The following ARID4B variants were observed in gnomAD, a reference collection of about 807,000 sequenced individuals.
The protein encoded by ARID4B is AT-rich interactive domain-containing protein 4B.
ARID4B carries 26 observed loss-of-function variants against 147.5 expected under a neutral mutation model. That is an observed-to-expected ratio of 0.18 (90% CI 0.13 to 0.24). The LOEUF is 0.24. Among genes scored for constraint, ARID4B ranks in the 10% least tolerant of loss-of-function variants. The probability of loss-of-function intolerance (pLI) is 1.00; values close to 1 mark genes in which losing one functional copy is unlikely to be tolerated. For synonymous variants in ARID4B, 512 were observed against 507.9 expected (o/e 1.01, Z -0.11); for missense variants, 1,179 against 1,511.5 (o/e 0.78, Z 3.65).
chr1:235,202,146 A>G (rs377220888), intron 17 of ARID4B, among the ~76,000 whole-genome samples: 2 of 151,972 alleles, frequency 1.3e-5, no homozygotes, highest in East Asian at 3.9e-4. Context: ...ATAACAGGAA[A>G]TAAATTAATT....
chr1:235,270,393 T>A (rs1363388051), intron 2 of ARID4B, among the ~76,000 whole-genome samples: 1 of 152,248 alleles, frequency 6.6e-6, no homozygotes, highest in Non-Finnish European at 1.5e-5. Flanking sequence ...TTTTTAAAGT[T>A]TATTTTTGGT....
chr1:235,292,714 G>A (rs1274347942), intron 2 of ARID4B, among the ~76,000 whole-genome samples: 1 of 151,972 alleles, frequency 6.6e-6, no homozygotes, highest in Non-Finnish European at 1.5e-5. Context: ...ATTAAAGGTT[G>A]GGTAAGGTAA....
At chr1:235,316,677 G>A (rs755620115) in intron 2 of ARID4B, among the ~76,000 whole-genome samples, 1 of 152,118 alleles carries the variant, frequency 6.6e-6, no homozygotes, top group Non-Finnish European at 1.5e-5. Flanking sequence ...AAATTAGCCA[G>A]GTGTGGTGGC....
intron 17 of ARID4B, among the ~76,000 whole-genome samples, chr1:235,200,513 TAC>T (rs1434375953): frequency 6.6e-6 from 1 of 152,132 alleles, no homozygotes; most frequent in Non-Finnish European, 1.5e-5. Context: ...CCATATTTCC[TAC>T]AGACATTAAA....
intron 8 of ARID4B, among the ~76,000 whole-genome samples, chr1:235,237,677 C>T (rs745590361): frequency 6.6e-5 from 10 of 152,056 alleles, no homozygotes; most frequent in Non-Finnish European, 1.2e-4. Flanking sequence ...ACAAAAACCA[C>T]AAATATACAA....
At chr1:235,235,477 T>A (rs928983329) in intron 8 of ARID4B, among the ~76,000 whole-genome samples, 4 of 152,198 alleles carry the variant, frequency 2.6e-5, no homozygotes, top group Non-Finnish European at 5.9e-5. Context: ...TGTGATAGCT[T>A]TGGCCAGTGA....
intron 11 of ARID4B, among the ~76,000 whole-genome samples, chr1:235,227,736 T>C (rs1172727131): frequency 6.6e-6 from 1 of 152,136 alleles, no homozygotes; most frequent in Non-Finnish European, 1.5e-5. Context: ...TATGGCTTAT[T>C]TATGATCTAA....
At chr1:235,318,555 C>T (rs1200035296) in intron 2 of ARID4B, among the ~76,000 whole-genome samples, 1 of 152,100 alleles carries the variant, frequency 6.6e-6, no homozygotes, top group Non-Finnish European at 1.5e-5. Context: ...ATTCCGTTAA[C>T]AGAAAATGCC....
At chr1:235,219,074 G>A (rs755787778) in intron 16 of ARID4B, among the ~76,000 whole-genome samples, 12 of 152,088 alleles carry the variant, frequency 7.9e-5, no homozygotes, top group South Asian at 6.2e-4. Context: ...ATGTTGGCCA[G>A]GCTGGTCTTG....
intron 5 of ARID4B, among the ~76,000 whole-genome samples, chr1:235,254,456 C>A (rs974300747): frequency 6.6e-6 from 1 of 151,392 alleles, no homozygotes; most frequent in African/African-American, 2.4e-5. Flanking sequence ...AAATAAAAAT[C>A]TGTTTGTAAA....
chr1:235,246,608 A>T, intron 6 of ARID4B, 97 bp from the exon 7 acceptor site: 4 of 814,020 alleles, frequency 4.9e-6, no homozygotes, highest in Non-Finnish European at 6.1e-6. Context: ...TCAGATTTTG[A>T]GATTAAACTC....
At chr1:235,181,399 C>A in intron 20 of ARID4B, 186 bp downstream of exon 20, 1 of 829,598 alleles carries the variant, frequency 1.2e-6, no homozygotes, top group Non-Finnish European at 1.8e-6. Context: ...ACATTAAAGC[C>A]TTCTCAAGCT....
intron 18 of ARID4B, among the ~76,000 whole-genome samples, chr1:235,194,767 C>G (rs1413212547): frequency 1.3e-5 from 2 of 151,880 alleles, no homozygotes; most frequent in African/African-American, 4.8e-5. Context: ...TGCGGTGAGC[C>G]AAGATCGCGC....
intron 8 of ARID4B, among the ~76,000 whole-genome samples, chr1:235,238,153 A>AAAAAAGAAAGAAAAGAAAAG (rs61179792): frequency 7.1e-6 from 1 of 141,764 alleles, no homozygotes; most frequent in Non-Finnish European, 1.5e-5. Flanking sequence ...CAAAAAAAAA[A>AAAAAAGAAAGAAAAGAAAAG]AAAAGAAAAG....
rs377168851 is a variant in ARID4B at position 235,308,405 on chromosome 1, C to T, written c.6+18509G>A. Among the ~76,000 whole-genome samples, 650 of 151,924 alleles carry T rather than the reference C, an allele frequency of 4.3e-3. 5 individuals carry two copies. Among genetic ancestry groups the T allele is most frequent in the African/African-American group, 0.015 (621 of 41,450 alleles). On this transcript the variant is annotated intron_variant, in intron 2 of 23. Coordinates refer to ENST00000264183, the MANE Select transcript of ARID4B (RefSeq NM_016374.6). ...TACAGGCATGAGCCACCGCTCCCAGCCTGATTTTTTCTAATTTTTAAGAAA... is the reference window on the plus strand; with the variant it reads ...TACAGGCATGAGCCACCGCTCCCAGTCTGATTTTTTCTAATTTTTAAGAAA...
intron 10 of ARID4B, among the ~76,000 whole-genome samples, chr1:235,230,618 C>CAAAAAAAAA (rs1668154034): frequency 6.5e-5 from 3 of 45,872 alleles, no homozygotes; most frequent in African/African-American, 9.0e-5. Context: ...AAAAAAAAAC[C>CAAAAAAAAA]AGAAAAAAAA....
chr1:235,314,826 C>T (rs140346906), intron 2 of ARID4B, among the ~76,000 whole-genome samples: 2 of 152,012 alleles, frequency 1.3e-5, no homozygotes, highest in East Asian at 1.9e-4. Context: ...ATTATTTTGG[C>T]TATCAATATA....
intron 18 of ARID4B, 74 bp from the exon 19 acceptor site, chr1:235,194,285 AACTC>A (rs1398316712): frequency 1.7e-5 from 19 of 1,088,724 alleles, no homozygotes; most frequent in African/African-American, 1.3e-4. Flanking sequence ...GTCCACTTTT[AACTC>A]ACTATTACAG....
chr1:235,168,722 G>A, intron 23 of ARID4B, 70 bp from the exon 24 acceptor site: 1 of 1,502,010 alleles, frequency 6.7e-7, no homozygotes, highest in Non-Finnish European at 9.0e-7. Flanking sequence ...GAAAATACTA[G>A]TCCTCTGAAC....
Sources: gnomAD v4.1 joint callset for allele counts (sites outside exome capture counted in the v4.1 genomes callset) on GRCh38, gnomAD v4.1.1 for gene constraint, MANE v1.5 for transcripts, NCBI Gene and HGNC (gene_info 2026-07-23, HGNC 2026-07-21) for gene names.